The following RHD variants were observed in gnomAD, a reference collection of about 807,000 sequenced individuals.
The protein encoded by RHD is Rh blood group D antigen, also known as blood group Rh(D) polypeptide.
Under a neutral mutation model 45.5 loss-of-function variants are expected in RHD, and 16 were observed. That is an observed-to-expected ratio of 0.35 (90% CI 0.24 to 0.53). The LOEUF (loss-of-function observed/expected upper bound fraction) is 0.53. RHD is among the 20% of genes least tolerant of loss of function. The probability of loss-of-function intolerance (pLI) is 0.92; values close to 1 mark genes in which losing one functional copy is unlikely to be tolerated. For missense variants in RHD, 306 were observed against 532.0 expected (o/e 0.58, Z 4.18); for synonymous variants, 131 against 217.5 (o/e 0.60, Z 3.50).
Position 25,321,379 on chromosome 1 carries a change from G to A in RHD, c.1154-510G>A, listed in dbSNP as rs1306808001. Among the ~76,000 whole-genome samples, 10 of 123,836 alleles carry A rather than the reference G, an allele frequency of 8.1e-5. 5 individuals are homozygous for A. Among genetic ancestry groups the A allele is most frequent in the Middle Eastern group, 8.4e-3 (2 of 238 alleles). The allele number at this position is 123,836 out of a possible 152,430, so 81.2% of individuals were successfully genotyped here. A position where few individuals can be genotyped will look rare whatever the true frequency, so the allele number is the denominator to read the frequency against. ...AAAAAAAAAAAATGTCTACAGAATC[G>A]GCCAGGTGTGGTGGCTCATGCCTGT... On this transcript the variant is annotated intron_variant, in intron 8 of 9. Coordinates refer to ENST00000328664, the MANE Select transcript of RHD (RefSeq NM_016124.6).
rs1206952449 is a variant in RHD, at chr1:25,289,734, CTCCT to C, written c.336-903_336-900del. ...TGATAAGTCCAGTCAGCATCACCCT[CTCCT>C]TCCAATGAACCCCACTAGCCTTGTG... On this transcript the variant is annotated intron_variant, in intron 2 of 9. Coordinates refer to ENST00000328664, the MANE Select transcript of RHD (RefSeq NM_016124.6). Among the ~76,000 whole-genome samples, 2 of 127,440 alleles carry C rather than the reference CTCCT, an allele frequency of 1.6e-5. 1 individual carries two copies. The highest frequency in any genetic ancestry group is 3.7e-5 in the Non-Finnish European group (2 of 54,244). 83.6% of individuals were successfully genotyped at this position (127,440 alleles called of 152,430 possible).
chr1:25,293,565 T>C (rs1296528999), intron 3 of RHD, among the ~76,000 whole-genome samples: 3 of 131,352 alleles, frequency 2.3e-5, no homozygotes, highest in African/African-American at 7.8e-5. Flanking sequence ...AAACTTGCCC[T>C]TAAATGGAAC....
At chr1:25,278,541 G>GA (rs1641212876) in intron 1 of RHD, among the ~76,000 whole-genome samples, 1 of 131,408 alleles carries the variant, frequency 7.6e-6, no homozygotes, top group Admixed American at 7.5e-5. Flanking sequence ...TTTGGGGTGG[G>GA]ATGGCCTCAG....
chr1:25,277,342 C>T, intron 1 of RHD, among the ~76,000 whole-genome samples: 1 of 130,352 alleles, frequency 7.7e-6, no homozygotes, highest in South Asian at 2.4e-4. Context: ...AAGTGTGGTC[C>T]CCAGACCTGC....
Position 25,311,660 on chromosome 1 carries a change from A to G in RHD, c.1073+4931A>G, listed in dbSNP as rs569275199. 8.5e-5 allele frequency among the ~76,000 whole-genome samples: 11 copies of G among 129,888 alleles called. 1 individual carries two copies. The East Asian group carries it at 2.2e-3, about 26-fold the overall frequency. The allele number at this position is 129,888 out of a possible 152,430, so 85.2% of individuals were successfully genotyped here. Reference sequence around the variant, plus strand: ...ACTGCCCCTCCCATTACTGGCCCAGAGCTCTAAGAGGGCAGAATGGTTTGG... The same window carrying G: ...ACTGCCCCTCCCATTACTGGCCCAGGGCTCTAAGAGGGCAGAATGGTTTGG... On this transcript the variant is annotated intron_variant, in intron 7 of 9. Transcript: ENST00000328664.
chr1:25,321,451 G>C lies in RHD; in HGVS notation c.1154-438G>C, dbSNP rs555403317. On this transcript the variant is annotated intron_variant, in intron 8 of 9. Coordinates refer to ENST00000328664, the MANE Select transcript of RHD (RefSeq NM_016124.6). The stretch of plus-strand genomic sequence containing the variant: ...TGAGGTGGGTGGATCACCTGAGGTC[G>C]GGAGTTCGAGACCAGCCTGGCCAAC... Among the ~76,000 whole-genome samples, 2 of 118,714 alleles carry C rather than the reference G, an allele frequency of 1.7e-5. 1 individual carries two copies. Among genetic ancestry groups the C allele is most frequent in the Admixed American group, 1.7e-4 (2 of 11,864 alleles). The allele number at this position is 118,714 out of a possible 152,430, so 77.9% of individuals were successfully genotyped here.
At chr1:25,291,795 A>G (rs1402298249) in intron 3 of RHD, among the ~76,000 whole-genome samples, 4 of 132,586 alleles carry the variant, frequency 3.0e-5, no homozygotes, top group African/African-American at 1.0e-4. Context: ...CTGTGAAGGT[A>G]AGGCCAATCC....
At chr1:25,309,890 TTC>T (rs1644051343) in intron 7 of RHD, among the ~76,000 whole-genome samples, 1 of 133,534 alleles carries the variant, frequency 7.5e-6, no homozygotes, top group African/African-American at 2.5e-5. Context: ...CTTCATTCAT[TTC>T]TTTTTCCAGA....
rs1404740910 is a variant in RHD at position 25,313,150 on chromosome 1, C to T, written c.1074-3850C>T. On this transcript the variant is annotated intron_variant, in intron 7 of 9. Transcript: ENST00000328664. ...ATTAGATAAAGTCATCAGGGTGGGGCCCCTATGATGAGACTGGTGGCTTAC... is the reference window on the plus strand; with the variant it reads ...ATTAGATAAAGTCATCAGGGTGGGGTCCCTATGATGAGACTGGTGGCTTAC... Among the ~76,000 whole-genome samples, 2 of 126,438 alleles carry T rather than the reference C, an allele frequency of 1.6e-5. 1 individual carries two copies. The allele number at this position is 126,438 out of a possible 152,430, so 82.9% of individuals were successfully genotyped here.
chr1:25,324,525 T>C (rs1035510672), intron 9 of RHD, among the ~76,000 whole-genome samples: 1 of 152,152 alleles, frequency 6.6e-6, no homozygotes, highest in African/African-American at 2.4e-5. Context: ...TTGTGCTACT[T>C]CACTGGGTTA....
chr1:25,277,837 G>A (rs1204360712), intron 1 of RHD, among the ~76,000 whole-genome samples: 1 of 126,982 alleles, frequency 7.9e-6, no homozygotes, highest in Non-Finnish European at 1.9e-5. Flanking sequence ...ACCACGCCCG[G>A]CTAATTTTGT....
chr1:25,278,319 T>C (rs1289329066), intron 1 of RHD, among the ~76,000 whole-genome samples: 1 of 130,552 alleles, frequency 7.7e-6, no homozygotes, highest in African/African-American at 2.6e-5. Context: ...ATGTTCATTC[T>C]GGGCTTGGAG....
Position 25,330,172 on chromosome 1 carries a change from T to C in RHD, c.*1248T>C, listed in dbSNP as rs1487935979. The C allele has an allele frequency of 1.5e-5, 2 of 132,716 alleles. No individual in the cohort carries two copies. The highest frequency in any genetic ancestry group is 5.1e-5 in the African/African-American group (2 of 38,858). 8.2% of individuals were successfully genotyped at this position (132,716 alleles called of 1,614,324 possible). A position where few individuals can be genotyped will look rare whatever the true frequency, so the allele number is the denominator to read the frequency against. Reference sequence around the variant, plus strand: ...GCATATGCATCCCAAGATTATATTATTGTTTTCTACTGCTATGTGTCACAC... The same window carrying C: ...GCATATGCATCCCAAGATTATATTACTGTTTTCTACTGCTATGTGTCACAC... On this transcript the variant is annotated 3_prime_UTR_variant, in exon 10 of 10. Coordinates refer to ENST00000328664, the MANE Select transcript of RHD (RefSeq NM_016124.6).
At chr1:25,277,264 A>G (rs1224271678) in intron 1 of RHD, among the ~76,000 whole-genome samples, 1 of 130,094 alleles carries the variant, frequency 7.7e-6, no homozygotes, top group Non-Finnish European at 1.8e-5. Flanking sequence ...TGAATATTAA[A>G]TATTTGCAGA....
chr1:25,321,349 C>CA (rs569995563), intron 8 of RHD, among the ~76,000 whole-genome samples: 2,613 of 87,128 alleles, frequency 0.03, 306 homozygotes, highest in African/African-American at 0.062. Context: ...TTCTTTTTTT[C>CA]AAAAAAAAAA....
Position 25,305,044 on chromosome 1 carries a change from G to A in RHD, c.940-1552G>A, listed in dbSNP as rs1292401573. ...CTTTTCAAGCTATAGTTTAGTGAGC[G>A]AAATGGATACACACAATACAGTGTG... On this transcript the variant is annotated intron_variant, in intron 6 of 9. Transcript: ENST00000328664. Among the ~76,000 whole-genome samples, 21 of 132,538 alleles carry A rather than the reference G, an allele frequency of 1.6e-4. 7 individuals are homozygous for A. The highest frequency in any genetic ancestry group is 3.4e-4 in the Non-Finnish European group (19 of 56,136). 87.0% of individuals were successfully genotyped at this position (132,538 alleles called of 152,430 possible).
chr1:25,306,884 T>C (rs1643881410), intron 7 of RHD, 155 bp downstream of exon 7: 2 of 818,410 alleles, frequency 2.4e-6, no homozygotes, highest in Admixed American at 3.9e-5. Flanking sequence ...AGAAATTCTG[T>C]CCAGCCCCTA....
At chr1:25,309,075 G>A (rs1437761739) in intron 7 of RHD, among the ~76,000 whole-genome samples, 1 of 131,706 alleles carries the variant, frequency 7.6e-6, no homozygotes, top group East Asian at 1.9e-4. Context: ...CACTTAATGG[G>A]AACTGTGGAT....
In RHD at chr1:25,319,696, C is replaced by T. The variant is rs568422144; in HGVS notation, c.1154-2193C>T. Among the ~76,000 whole-genome samples, 2 of 132,184 alleles carry T rather than the reference C, an allele frequency of 1.5e-5. 1 individual carries two copies. Among genetic ancestry groups the T allele is most frequent in the Non-Finnish European group, 3.6e-5 (2 of 55,762 alleles). 86.7% of individuals were successfully genotyped at this position (132,184 alleles called of 152,430 possible). ...TTGCACCAAATGGACTCCCAGAAGA[C>T]AAGCATTTAATTTGTTAATTGAGCC... On this transcript the variant is annotated intron_variant, in intron 8 of 9. Coordinates refer to ENST00000328664, the MANE Select transcript of RHD (RefSeq NM_016124.6).
Sources: gnomAD v4.1 joint callset for allele counts (sites outside exome capture counted in the v4.1 genomes callset) on GRCh38, gnomAD v4.1.1 for gene constraint, MANE v1.5 for transcripts, NCBI Gene and HGNC (gene_info 2026-07-23, HGNC 2026-07-21) for gene names.